SUPT16H: variants seen among roughly 807,000 people sequenced by gnomAD.
The protein encoded by SUPT16H is SPT16 homolog, facilitates chromatin remodeling subunit.
In SUPT16H, 24 loss-of-function variants were observed where a neutral mutation model predicts 136.2. The ratio of observed to expected loss-of-function variants is 0.18; its 90% CI spans 0.13 to 0.25. SUPT16H has a LOEUF of 0.25. Among genes scored for constraint, SUPT16H ranks in the 10% least tolerant of loss-of-function variants. The pLI is 1.00. For synonymous variants in SUPT16H, 415 were observed against 428.2 expected (o/e 0.97, Z 0.38); for missense variants, 623 against 1,270.2 (o/e 0.49, Z 7.74).
intron 14 of SUPT16H, 58 bp downstream of exon 14, chr14:21,362,736 T>C: frequency 1.3e-6 from 2 of 1,532,754 alleles, no homozygotes; most frequent in Admixed American, 2.0e-5. Flanking sequence ...TTATGGCAAA[T>C]ACAATTACTA....
At chr14:21,361,936 AT>A (rs1213213914) in intron 15 of SUPT16H, among the ~76,000 whole-genome samples, 1 of 152,010 alleles carries the variant, frequency 6.6e-6, no homozygotes, top group African/African-American at 2.4e-5. Context: ...CTGGTTAATT[AT>A]TTTTTAGAAG....
At chr14:21,367,777 T>A (rs920341423) in intron 7 of SUPT16H, among the ~76,000 whole-genome samples, 1 of 152,216 alleles carries the variant, frequency 6.6e-6, no homozygotes, top group Non-Finnish European at 1.5e-5. Context: ...ACCACAATGA[T>A]CACTCATGCT....
At position 21,353,710 on chromosome 14, in the gene SUPT16H, T is replaced by C; in HGVS notation, c.2913A>G (p.Glu971=). Residue 971 remains glutamate, a synonymous_variant, in exon 24 of 26, where the codon GAA becomes GAG. Transcript: ENST00000216297. The stretch of plus-strand genomic sequence containing the variant: ...TTGCTCTGTAAGACTAACCTGACTC[T>C]TCTGCTTCTGATGAATAATCTTCAT... The part of the protein sequence containing the change: ...DSDEDYSSEA[E]ESDYSKESLG... The C allele has an allele frequency of 6.2e-7, 1 of 1,613,390 alleles. No individual in the cohort carries two copies. The highest frequency in any genetic ancestry group is 8.5e-7 in the Non-Finnish European group (1 of 1,179,678).
At chr14:21,363,883 T>C (rs1457561926) in intron 10 of SUPT16H, among the ~76,000 whole-genome samples, 2 of 152,166 alleles carry the variant, frequency 1.3e-5, no homozygotes, top group Admixed American at 6.6e-5. Context: ...TTCACCATGT[T>C]GGTCAGGCTG....
intron 1 of SUPT16H, among the ~76,000 whole-genome samples, chr14:21,382,471 T>A (rs983196264): frequency 8.5e-5 from 13 of 152,194 alleles, no homozygotes; most frequent in Non-Finnish European, 2.9e-5. Flanking sequence ...AGCTATAGAT[T>A]AGTTTTCATG....
intron 1 of SUPT16H, among the ~76,000 whole-genome samples, chr14:21,377,259 A>G (rs1886922883): frequency 6.6e-6 from 1 of 152,200 alleles, no homozygotes; most frequent in African/African-American, 2.4e-5. Context: ...ATTTCCCCAA[A>G]AGAGACATAT....
chr14:21,360,356 C>T, intron 18 of SUPT16H, 59 bp downstream of exon 18: 3 of 1,304,010 alleles, frequency 2.3e-6, no homozygotes, highest in Non-Finnish European at 2.2e-6. Context: ...AGGAAAGAAG[C>T]TGAGTGAAAT....
At chr14:21,370,549 A>G in intron 3 of SUPT16H, 61 bp from the exon 4 acceptor site, 1 of 1,545,266 alleles carries the variant, frequency 6.5e-7, no homozygotes, top group Admixed American at 1.8e-5. Context: ...GACACGTTTT[A>G]CCAGTAACAG....
chr14:21,352,618 A>G lies in SUPT16H; in HGVS notation c.*55T>C, dbSNP rs1378760724. On this transcript the variant is annotated 3_prime_UTR_variant, in exon 26 of 26. Coordinates refer to ENST00000216297, the MANE Select transcript of SUPT16H (RefSeq NM_007192.4). ...AAAAATACAGTTTCTATGTCATGTA[A>G]AATTTTCAGGGGTTGGCTGGAGGAA... is the stretch of plus-strand genomic sequence containing the variant. 6.7e-5 allele frequency: 107 copies of G among 1,607,868 alleles called. No individual in the cohort carries two copies. Among genetic ancestry groups the G allele is most frequent in the Non-Finnish European group, 9.0e-5 (106 of 1,178,510 alleles).
intron 10 of SUPT16H, 87 bp from the exon 11 acceptor site, chr14:21,363,590 A>C: frequency 3.4e-6 from 4 of 1,161,330 alleles, no homozygotes; most frequent in Non-Finnish European, 5.0e-6. Flanking sequence ...AATGCTTTGA[A>C]TCTTTTGGAC....
rs1010143990 is a variant in SUPT16H, at chr14:21,353,378, G to A, written c.2998+110C>T. 2.6e-5 allele frequency: 28 copies of A among 1,097,632 alleles called. No individual in the cohort carries two copies. The African/African-American group carries it at 4.4e-4, about 17-fold the overall frequency. 68.0% of individuals were successfully genotyped at this position (1,097,632 alleles called of 1,614,324 possible). A position where few individuals can be genotyped will look rare whatever the true frequency, so the allele number is the denominator to read the frequency against. ...TGTGGCTCCAAAGCACTTTTATAGTGTTCTTTTGTTACTTTCATTACGCCA... is the reference window on the plus strand; with the variant it reads ...TGTGGCTCCAAAGCACTTTTATAGTATTCTTTTGTTACTTTCATTACGCCA... On this transcript the variant is annotated intron_variant, in intron 25 of 25. Transcript: ENST00000216297.
In SUPT16H at chr14:21,369,552, T is replaced by C. The variant is rs1159428149; in HGVS notation, c.631-197A>G. The stretch of plus-strand genomic sequence containing the variant: ...GGACTTACAGCTATTCCTATGATTC[T>C]CAAGTAAAATAATGGGTTACCTCAA... On this transcript the variant is annotated intron_variant, in intron 5 of 25. Transcript: ENST00000216297. The C allele has an allele frequency of 5.2e-6, 5 of 970,610 alleles. No homozygotes were observed. In the African/African-American group the frequency reaches 8.2e-5, roughly 16 times the overall value. 60.1% of individuals were successfully genotyped at this position (970,610 alleles called of 1,614,324 possible). A position where few individuals can be genotyped will look rare whatever the true frequency, so the allele number is the denominator to read the frequency against.
chr14:21,353,365 G>A, intron 25 of SUPT16H, 123 bp downstream of exon 25: 2 of 928,674 alleles, frequency 2.2e-6, no homozygotes, highest in Non-Finnish European at 3.3e-6. Flanking sequence ...TGGCTCCAAA[G>A]CACTTTTATA....
At chr14:21,382,260 G>A (rs1887043211) in intron 1 of SUPT16H, among the ~76,000 whole-genome samples, 1 of 152,116 alleles carries the variant, frequency 6.6e-6, no homozygotes, top group South Asian at 2.1e-4. Flanking sequence ...TACACCATCA[G>A]TGTCTTATCA....
Position 21,374,393 on chromosome 14 carries a change from A to C in SUPT16H, c.67-963T>G, listed in dbSNP as rs139889182. 1.6e-4 allele frequency among the ~76,000 whole-genome samples: 24 copies of C among 152,378 alleles called. No homozygotes were observed. The Middle Eastern group carries it at 0.01, about 65-fold the overall frequency. Reference sequence around the variant, plus strand: ...TTTATTGAGACAGAATTCACATAAAATTCAAAAGCATACAATGTAATGATT... The same window carrying C: ...TTTATTGAGACAGAATTCACATAAACTTCAAAAGCATACAATGTAATGATT... On this transcript the variant is annotated intron_variant, in intron 1 of 25. Transcript: ENST00000216297.
chr14:21,357,776 TA>T, intron 21 of SUPT16H, 150 bp downstream of exon 21: 2 of 836,270 alleles, frequency 2.4e-6, no homozygotes, highest in Non-Finnish European at 3.7e-6. Flanking sequence ...ATGCCTGCCC[TA>T]AAGAGACTTT....
intron 7 of SUPT16H, 33 bp downstream of exon 7, chr14:21,368,236 A>G (rs747346056): frequency 6.3e-7 from 1 of 1,586,030 alleles, no homozygotes; most frequent in East Asian, 2.3e-5. Context: ...TTTGTTACAC[A>G]ACTTTCAAAC....
intron 18 of SUPT16H, 60 bp downstream of exon 18, chr14:21,360,355 G>C (rs1886526082): frequency 7.7e-7 from 1 of 1,296,720 alleles, no homozygotes; most frequent in African/African-American, 1.5e-5. Flanking sequence ...TAGGAAAGAA[G>C]CTGAGTGAAA....
At chr14:21,374,119 A>G (rs1886848846) in intron 1 of SUPT16H, among the ~76,000 whole-genome samples, 1 of 152,278 alleles carries the variant, frequency 6.6e-6, no homozygotes, top group Non-Finnish European at 1.5e-5. Flanking sequence ...TAATTTATGC[A>G]GAAATCTACA....
Sources: gnomAD v4.1 joint callset for allele counts (sites outside exome capture counted in the v4.1 genomes callset) on GRCh38, gnomAD v4.1.1 for gene constraint, MANE v1.5 for transcripts, NCBI Gene and HGNC (gene_info 2026-07-23, HGNC 2026-07-21) for gene names.